The following TMEM108 variants were observed in gnomAD, a reference collection of about 807,000 sequenced individuals.
The protein encoded by TMEM108 is transmembrane protein 108.
In TMEM108, 12 loss-of-function variants were observed where a neutral mutation model predicts 35.1. The observed-to-expected ratio is 0.34, with a 90% CI of 0.22 to 0.55. The LOEUF is 0.55. Among genes scored for constraint, TMEM108 ranks in the 20% least tolerant of loss-of-function variants. The pLI is 0.89. For missense variants in TMEM108, 680 were observed against 753.3 expected, an observed-to-expected ratio of 0.90 and a Z score of 1.14; for synonymous variants, 287 against 308.6, an observed-to-expected ratio of 0.93 and a Z score of 0.73.
chr3:133,388,547 C>A (rs1201672), intron 4 of TMEM108: 977,683 of 985,428 alleles, frequency 0.99, 485,335 homozygotes, highest in Non-Finnish European at 1. Flanking sequence ...GCTAATCTCT[C>A]AAATCCCCGT....
At chr3:133,084,410 AT>A (rs1314432156) in intron 2 of TMEM108, among the ~76,000 whole-genome samples, 1 of 152,150 alleles carries the variant, frequency 6.6e-6, no homozygotes, top group Non-Finnish European at 1.5e-5. Flanking sequence ...ATGGCCTCAA[AT>A]TTAGTTTGGA....
intron 2 of TMEM108, among the ~76,000 whole-genome samples, chr3:133,179,630 G>A (rs1945298805): frequency 1.3e-5 from 2 of 151,868 alleles, no homozygotes; most frequent in Admixed American, 1.3e-4. Context: ...CACAGGAAGG[G>A]GAACATCACA....
intron 5 of TMEM108, 88 bp downstream of exon 5, chr3:133,390,422 C>A: frequency 1.4e-6 from 2 of 1,465,922 alleles, no homozygotes; most frequent in Non-Finnish European, 1.9e-6. Flanking sequence ...GAGTGCCTTG[C>A]TCCTTAACGT....
intron 5 of TMEM108, among the ~76,000 whole-genome samples, chr3:133,390,756 G>A (rs893759072): frequency 6.6e-6 from 1 of 151,628 alleles, no homozygotes; most frequent in African/African-American, 2.4e-5. Context: ...AAACACAGAC[G>A]AGTTATAGAC....
At chr3:133,091,317 C>T (rs1378932376) in intron 2 of TMEM108, among the ~76,000 whole-genome samples, 1 of 152,112 alleles carries the variant, frequency 6.6e-6, no homozygotes, top group Non-Finnish European at 1.5e-5. Flanking sequence ...AGGTAGGCTT[C>T]CCCAGTGAGT....
chr3:133,091,647 T>C (rs1188366423), intron 2 of TMEM108, among the ~76,000 whole-genome samples: 1 of 152,238 alleles, frequency 6.6e-6, no homozygotes, highest in Admixed American at 6.5e-5. Context: ...ATTCACCAGC[T>C]ACTTATTCAA....
intron 2 of TMEM108, among the ~76,000 whole-genome samples, chr3:133,160,873 T>G (rs944914141): frequency 6.6e-6 from 1 of 152,164 alleles, no homozygotes; most frequent in Non-Finnish European, 1.5e-5. Context: ...TTTAAAGATT[T>G]GATGCAAAGC....
intron 2 of TMEM108, among the ~76,000 whole-genome samples, chr3:133,158,954 G>A (rs115140483): frequency 6.6e-5 from 10 of 151,874 alleles, no homozygotes; most frequent in Non-Finnish European, 1.3e-4. Context: ...TGTTTAGCAG[G>A]CTGTAAAAAT....
chr3:133,351,698 T>C (rs1243993586), intron 3 of TMEM108, among the ~76,000 whole-genome samples: 1 of 152,148 alleles, frequency 6.6e-6, no homozygotes, highest in Non-Finnish European at 1.5e-5. Context: ...TTCATAAGCC[T>C]CTATTTCATG....
intron 3 of TMEM108, chr3:133,378,587 C>A: frequency 1.0e-6 from 1 of 973,674 alleles, no homozygotes; most frequent in Non-Finnish European, 1.2e-6. Context: ...GACTGTTGGC[C>A]CTTCCTCAGC....
At chr3:133,178,794 C>A (rs1259493582) in intron 2 of TMEM108, among the ~76,000 whole-genome samples, 5 of 152,070 alleles carry the variant, frequency 3.3e-5, no homozygotes, top group East Asian at 1.9e-4. Flanking sequence ...GCAACAAAAG[C>A]CAAAATTGAC....
chr3:133,229,392 A>G, intron 3 of TMEM108, 41 bp downstream of exon 3: 1 of 1,596,364 alleles, frequency 6.3e-7, no homozygotes. Context: ...AAATATACTA[A>G]TGTTATTATT....
intron 2 of TMEM108, among the ~76,000 whole-genome samples, chr3:133,095,058 C>A (rs892473272): frequency 6.6e-6 from 1 of 152,210 alleles, no homozygotes; most frequent in Non-Finnish European, 1.5e-5. Context: ...TTTTTCTTAT[C>A]ATTCCCTTAG....
At chr3:133,275,514 A>G (rs969567352) in intron 3 of TMEM108, among the ~76,000 whole-genome samples, 1 of 152,204 alleles carries the variant, frequency 6.6e-6, no homozygotes, top group African/African-American at 2.4e-5. Context: ...CATGTGGCTG[A>G]TGGCTACTGT....
chr3:133,202,705 A>G (rs1425326076), intron 2 of TMEM108, among the ~76,000 whole-genome samples: 1 of 152,122 alleles, frequency 6.6e-6, no homozygotes, highest in Non-Finnish European at 1.5e-5. Flanking sequence ...GCCTTGTAGT[A>G]TAGTTTGAAG....
chr3:133,126,552 T>C (rs901454475), intron 2 of TMEM108, among the ~76,000 whole-genome samples: 3 of 151,892 alleles, frequency 2.0e-5, no homozygotes, highest in Admixed American at 6.6e-5. Flanking sequence ...AATAAAAATG[T>C]AATATAAACC....
chr3:133,259,376 G>A (rs1224112919), intron 3 of TMEM108, among the ~76,000 whole-genome samples: 4 of 152,158 alleles, frequency 2.6e-5, no homozygotes, highest in African/African-American at 4.8e-5. Context: ...TGAGAAGTGG[G>A]CAAGACCACA....
chr3:133,353,446 C>T (rs946235657), intron 3 of TMEM108, among the ~76,000 whole-genome samples: 8 of 152,190 alleles, frequency 5.3e-5, no homozygotes, highest in African/African-American at 1.9e-4. Context: ...AGTGGCAGAG[C>T]AAGAATCCAG....
At chr3:133,248,476 T>C (rs929706984) in intron 3 of TMEM108, 1 of 152,188 alleles carries the variant, frequency 6.6e-6, no homozygotes, top group African/African-American at 2.4e-5. Context: ...TGCCATCTGA[T>C]TGTGTGTCTC....
Sources: gnomAD v4.1 joint callset for allele counts (sites outside exome capture counted in the v4.1 genomes callset) on GRCh38, gnomAD v4.1.1 for gene constraint, MANE v1.5 for transcripts, NCBI Gene and HGNC (gene_info 2026-07-23, HGNC 2026-07-21) for gene names.